The following PCDHA2 variants were observed in gnomAD, a reference collection of about 807,000 sequenced individuals.
PCDHA2 encodes protocadherin alpha 2.
PCDHA2 carries 58 observed loss-of-function variants against 66.0 expected under a neutral mutation model. The ratio of observed to expected loss-of-function variants is 0.88; its 90% CI spans 0.71 to 1.09. The LOEUF (loss-of-function observed/expected upper bound fraction) is 1.09. Ranked by LOEUF, PCDHA2 falls within the 50% of genes least tolerant of loss-of-function variation. The probability of loss-of-function intolerance (pLI) is 0.00; values close to 1 mark genes in which losing one functional copy is unlikely to be tolerated. For synonymous variants in PCDHA2, 634 were observed against 554.0 expected, an observed-to-expected ratio of 1.14 and a Z score of -2.03; for missense variants, 1,267 against 1,242.3, an observed-to-expected ratio of 1.02 and a Z score of -0.30.
intron 1 of PCDHA2, chr5:140,968,189 TC>T: frequency 6.2e-7 from 1 of 1,614,034 alleles, no homozygotes; most frequent in Non-Finnish European, 8.5e-7. Context: ...GGACTCCTAT[TC>T]CATCTACATA....
rs2150499479 is a variant in PCDHA2 at position 140,850,817 on chromosome 5, G to A, written c.2388+53465G>A. 3 of 1,598,296 alleles carry A rather than the reference G, an allele frequency of 1.9e-6. 1 individual carries two copies. The highest frequency in any genetic ancestry group is 2.6e-6 in the Non-Finnish European group (3 of 1,167,646). On this transcript the variant is annotated intron_variant, in intron 1 of 3. Transcript: ENST00000526136. ...AGACCGACCTCATGGCCTTCAGCCC[G>A]GGCCTTTCTCCTTGTGCTGGATCTA... is the stretch of plus-strand genomic sequence containing the variant.
chr5:140,951,889 G>A (rs2094649080), intron 1 of PCDHA2, among the ~76,000 whole-genome samples: 1 of 152,142 alleles, frequency 6.6e-6, no homozygotes, highest in Non-Finnish European at 1.5e-5. Flanking sequence ...ACTCTCTTCT[G>A]CCTATGAGCC....
chr5:140,808,109 A>G, intron 1 of PCDHA2: 1 of 1,614,014 alleles, frequency 6.2e-7, no homozygotes, highest in Non-Finnish European at 8.5e-7. Flanking sequence ...AAAGGGATAT[A>G]TTGACTTTGA....
At chr5:140,956,925 G>GA (rs1487375223) in intron 1 of PCDHA2, among the ~76,000 whole-genome samples, 1 of 151,858 alleles carries the variant, frequency 6.6e-6, no homozygotes, top group Non-Finnish European at 1.5e-5. Context: ...AATCTTGCTG[G>GA]ATATAGGATA....
intron 1 of PCDHA2, chr5:140,881,515 A>T (rs574115987): frequency 4.8e-6 from 1 of 207,066 alleles, no homozygotes; most frequent in Admixed American, 6.5e-5. Context: ...CACATACAAA[A>T]TCCCACACAT....
intron 1 of PCDHA2, chr5:140,870,939 G>C (rs555504652): frequency 6.2e-7 from 1 of 1,613,732 alleles, no homozygotes; most frequent in South Asian, 1.1e-5. Flanking sequence ...AATTGCAGCC[G>C]GCGGCGGGCG....
chr5:140,830,704 T>A (rs1771209661), intron 1 of PCDHA2: 2 of 264,612 alleles, frequency 7.6e-6, no homozygotes, highest in Non-Finnish European at 1.4e-5. Flanking sequence ...ACCTCAGAAT[T>A]TTTGTCTTCA....
rs185620917 is a variant in PCDHA2 at position 140,854,335 on chromosome 5, G to A, written c.2388+56983G>A. The A allele has an allele frequency of 1.5e-4, 29 of 191,248 alleles. 1 individual carries two copies. Among genetic ancestry groups the A allele is most frequent in the Non-Finnish European group, 2.6e-4 (27 of 105,250 alleles). The allele number at this position is 191,248 out of a possible 1,614,324, so 11.8% of individuals were successfully genotyped here. ...TTGATCAATGGCAAACTTATTTTACGCTCCAGATAGCTAAAACAAACGTTG... is the reference window on the plus strand; with the variant it reads ...TTGATCAATGGCAAACTTATTTTACACTCCAGATAGCTAAAACAAACGTTG... On this transcript the variant is annotated intron_variant, in intron 1 of 3. Coordinates refer to ENST00000526136, the MANE Select transcript of PCDHA2 (RefSeq NM_018905.3).
rs143678744 is a variant in PCDHA2 at position 140,873,036 on chromosome 5, G to A, written c.2388+75684G>A. Among the ~76,000 whole-genome samples the A allele has an allele frequency of 5.4e-3, 816 of 152,264 alleles. 4 individuals carry two copies. The highest frequency in any genetic ancestry group is 0.014 in the Middle Eastern group (4 of 294). On this transcript the variant is annotated intron_variant, in intron 1 of 3. Coordinates refer to ENST00000526136, the MANE Select transcript of PCDHA2 (RefSeq NM_018905.3). ...TTTAGTTATTCTTACTACACGTAGA[G>A]TGGTGGTATTACAGACTTTCTTGAG...
intron 1 of PCDHA2, among the ~76,000 whole-genome samples, chr5:140,886,289 T>C (rs115070123): frequency 0.081 from 12,299 of 152,020 alleles, 542 homozygotes; most frequent in Middle Eastern, 0.13. Context: ...ATTATTTTTA[T>C]ATTTATTTAT....
At chr5:140,973,358 A>G (rs1450961086) in intron 1 of PCDHA2, among the ~76,000 whole-genome samples, 1 of 152,234 alleles carries the variant, frequency 6.6e-6, no homozygotes, top group Non-Finnish European at 1.5e-5. Flanking sequence ...GTGAATTTAT[A>G]AAAATTGCAC....
chr5:140,896,276 G>A (rs1368035002), intron 1 of PCDHA2, among the ~76,000 whole-genome samples: 1 of 152,176 alleles, frequency 6.6e-6, no homozygotes, highest in Non-Finnish European at 1.5e-5. Context: ...GGATTTGCTG[G>A]CTTGAATGGT....
At chr5:140,823,531 G>A (rs2150126678) in intron 1 of PCDHA2, 2 of 1,613,780 alleles carry the variant, frequency 1.2e-6, no homozygotes, top group South Asian at 2.2e-5. Flanking sequence ...GTCAGTGGGT[G>A]CGGGCCACGT....
intron 1 of PCDHA2, among the ~76,000 whole-genome samples, chr5:140,913,649 T>A (rs1284685382): frequency 1.3e-5 from 2 of 152,166 alleles, no homozygotes; most frequent in Non-Finnish European, 2.9e-5. Flanking sequence ...TTTCTAGTTC[T>A]TTAAGATGTA....
intron 1 of PCDHA2, chr5:140,869,287 C>G (rs782369184): frequency 6.2e-7 from 1 of 1,613,538 alleles, no homozygotes; most frequent in South Asian, 1.1e-5. Flanking sequence ...GCTGGTGCAG[C>G]GCCTGTTCCG....
intron 1 of PCDHA2, chr5:140,824,627 T>TTGTTTG (rs1554130002): frequency 7.5e-6 from 1 of 134,010 alleles, no homozygotes; most frequent in African/African-American, 3.2e-5. Context: ...TTTTTTTTTT[T>TTGTTTG]TTTTTATTTT....
At chr5:140,804,887 C>A in intron 1 of PCDHA2, 2 of 638,802 alleles carry the variant, frequency 3.1e-6, no homozygotes, top group South Asian at 6.0e-5. Context: ...GACTCCTCTC[C>A]TTCCCCTCAC....
At chr5:140,847,743 C>T (rs2150239198) in intron 1 of PCDHA2, 1 of 149,792 alleles carries the variant, frequency 6.7e-6, no homozygotes, top group East Asian at 1.9e-4. Flanking sequence ...TATTTTCTCC[C>T]CACGCAACAC....
chr5:140,942,796 G>C (rs2093370095), intron 1 of PCDHA2, among the ~76,000 whole-genome samples: 1 of 152,002 alleles, frequency 6.6e-6, no homozygotes, highest in Non-Finnish European at 1.5e-5. Flanking sequence ...ACAAAGGCAT[G>C]TTTTCCACAA....
Sources: gnomAD v4.1 joint callset for allele counts (sites outside exome capture counted in the v4.1 genomes callset) on GRCh38, gnomAD v4.1.1 for gene constraint, MANE v1.5 for transcripts, NCBI Gene and HGNC (gene_info 2026-07-23, HGNC 2026-07-21) for gene names.